BRF1: variants seen among roughly 807,000 people sequenced by gnomAD.
BRF1 encodes transcription factor IIIB 90 kDa subunit.
Under a neutral mutation model 81.7 loss-of-function variants are expected in BRF1, and 59 were observed. That is an observed-to-expected ratio of 0.72 (90% CI 0.59 to 0.90). The LOEUF (loss-of-function observed/expected upper bound fraction) is 0.90, where lower values mean the gene tolerates loss of function less well. Among genes scored for constraint, BRF1 ranks in the 40% least tolerant of loss-of-function variants. The pLI, the probability that BRF1 is intolerant of heterozygous loss-of-function variation, is 0.00. For synonymous variants in BRF1, 491 were observed against 395.6 expected (o/e 1.24, Z -2.86); for missense variants, 1,050 against 936.3 (o/e 1.12, Z -1.58).
At chr14:105,217,930 C>A (rs1049612826) in intron 14 of BRF1, 130 bp from the exon 15 acceptor site, 2 of 1,388,620 alleles carry the variant, frequency 1.4e-6, no homozygotes, top group South Asian at 1.4e-5. Context: ...GCCGCTCCTG[C>A]CTCCTCCCCC....
intron 2 of BRF1, among the ~76,000 whole-genome samples, chr14:105,285,315 C>G (rs587690659): frequency 6.6e-6 from 1 of 152,362 alleles, no homozygotes; most frequent in African/African-American, 2.4e-5. Flanking sequence ...CCAGGACTGT[C>G]ATGCAGTCAC....
At chr14:105,295,328 AT>A (rs1361943726) in intron 1 of BRF1, among the ~76,000 whole-genome samples, 17 of 150,856 alleles carry the variant, frequency 1.1e-4, no homozygotes, top group South Asian at 2.1e-4. Context: ...AAAAAAAAAA[AT>A]TGGCGTTGGC....
chr14:105,211,053 G>A, intron 17 of BRF1, 69 bp downstream of exon 17: 1 of 1,576,224 alleles, frequency 6.3e-7, no homozygotes, highest in Non-Finnish European at 8.6e-7. Context: ...CAAGTTCAGG[G>A]ATCATGAGGG....
At position 105,272,754 on chromosome 14, in the gene BRF1, G is replaced by A; in HGVS notation, c.406C>T (p.Leu136Phe). 6.2e-7 allele frequency: 1 copy of A among 1,613,868 alleles called. No individual in the cohort carries two copies. The highest frequency in any genetic ancestry group is 8.5e-7 in the Non-Finnish European group (1 of 1,179,894). ...RKMAHVIAAC[L>F]YLVCRTEGTP... ...CCCTCCGTACGGCAGACCAGGTAGA[G>A]GCAGGCAGCAATCACGTGGGCCATC... Residue 136 changes from leucine to phenylalanine, a missense_variant, in exon 3 of 18, where the codon CTC becomes TTC. Around this residue, in one of 2 missense-constraint regions of BRF1, gnomAD observed 1,043 missense variants for 915.4 expected, o/e 1.14. Transcript: ENST00000547530.
chr14:105,219,291 A>C (rs2141454750), intron 12 of BRF1, 59 bp from the exon 13 acceptor site: 1 of 1,597,852 alleles, frequency 6.3e-7, no homozygotes. Context: ...GGGCATGCTA[A>C]GGTCGCGCTG....
chr14:105,286,767 G>A (rs587635018), intron 1 of BRF1, among the ~76,000 whole-genome samples: 127 of 152,280 alleles, frequency 8.3e-4, no homozygotes, highest in African/African-American at 2.7e-3. Context: ...CACCACGCCC[G>A]GCTGGGATTA....
chr14:105,241,154 G>C, intron 6 of BRF1, 111 bp downstream of exon 6: 1 of 1,501,140 alleles, frequency 6.7e-7, no homozygotes, highest in Non-Finnish European at 8.9e-7. Flanking sequence ...GCTGGAGGCA[G>C]CTCTCAGTGC....
At chr14:105,251,170 C>T (rs1045076901) in intron 5 of BRF1, 4 of 160,186 alleles carry the variant, frequency 2.5e-5, no homozygotes, top group African/African-American at 9.6e-5. Context: ...AGCTCCCTCC[C>T]ATCCCGAGGA....
intron 5 of BRF1, chr14:105,250,285 C>G (rs761806778): frequency 1.2e-6 from 2 of 1,613,094 alleles, no homozygotes; most frequent in South Asian, 1.1e-5. Flanking sequence ...GCGGGCGCTG[C>G]GACAGCATCC....
Position 105,248,576 on chromosome 14 carries a change from G to GGC in BRF1, c.544+3929_544+3930dup, listed in dbSNP as rs1386738404. ...GCCGCGGCGGGTACGGGCTCGGGCG[G>GGC]GCGGGCGGGCGGGACGGCGCCCCCC... On this transcript the variant is annotated intron_variant, in intron 5 of 17. Coordinates refer to ENST00000547530, the MANE Select transcript of BRF1 (RefSeq NM_001519.4). 3.3e-6 allele frequency: 3 copies of GGC among 913,598 alleles called. No individual in the cohort carries two copies. The East Asian group carries it at 3.7e-4, about 112-fold the overall frequency. 56.6% of individuals were successfully genotyped at this position (913,598 alleles called of 1,614,324 possible). A position where few individuals can be genotyped will look rare whatever the true frequency, so the allele number is the denominator to read the frequency against.
chr14:105,315,136 C>A lies in BRF1; in HGVS notation c.-162+186G>T. On this transcript the variant is annotated intron_variant, in intron 1 of 17. Coordinates refer to the BRF1 transcript ENST00000327359. The surrounding 1 kb of genome is among the most constrained non-coding windows in gnomAD (Gnocchi z 4.4). ...CCCATCCCCGGCCCGGGTCCCCCAG[C>A]GGAGCCCAGGTCGCCCCCCGCGCCC... 1 of 747,624 alleles carries A rather than the reference C, an allele frequency of 1.3e-6. No homozygotes were observed. The highest frequency in any genetic ancestry group is 1.7e-6 in the Non-Finnish European group (1 of 604,182). The allele number at this position is 747,624 out of a possible 1,614,324, so 46.3% of individuals were successfully genotyped here. A position where few individuals can be genotyped will look rare whatever the true frequency, so the allele number is the denominator to read the frequency against.
At chr14:105,255,528 C>T (rs1365437129) in intron 4 of BRF1, among the ~76,000 whole-genome samples, 1 of 152,198 alleles carries the variant, frequency 6.6e-6, no homozygotes, top group African/African-American at 2.4e-5. Flanking sequence ...CTGGACAGAG[C>T]TCCCTTTGAG....
chr14:105,229,732 G>A (rs1256721905), intron 6 of BRF1, among the ~76,000 whole-genome samples: 23 of 43,792 alleles, frequency 5.3e-4, no homozygotes, highest in East Asian at 6.9e-4. Flanking sequence ...CCGCGTAGTC[G>A]CCCAGCTGGG....
intron 1 of BRF1, among the ~76,000 whole-genome samples, chr14:105,312,556 G>A (rs771563499): frequency 2.0e-5 from 3 of 152,226 alleles, no homozygotes; most frequent in Non-Finnish European, 4.4e-5. Context: ...CAAACACGGG[G>A]GTGAGGGCTC....
Position 105,309,270 on chromosome 14 carries a change from A to G in BRF1, c.-162+6052T>C. On this transcript the variant is annotated intron_variant, in intron 1 of 17. Transcript: ENST00000327359. The surrounding 1 kb of genome is among the most constrained non-coding windows in gnomAD (Gnocchi z 4.0). ...TAATCTTGGGGCTCAGGATAACCAC[A>G]GTCAAGAGGGGAGAGTTTTATTCCT... is the stretch of plus-strand genomic sequence containing the variant. Among the ~76,000 whole-genome samples, 1 of 152,250 alleles carries G rather than the reference A, an allele frequency of 6.6e-6. No individual in the cohort carries two copies.
chr14:105,226,096 C>CG lies in BRF1; in HGVS notation c.1020_1021insC (p.Gly341ArgfsTer106). On this transcript the variant is annotated frameshift_variant, in exon 10 of 18. Transcript: ENST00000547530. LOFTEE classifies it high-confidence loss of function. ...TCTTTTGCCAGGCTGGCCAGGCCCCCCTTGGCCTTTGGCCGGCTGTTTTCT... is the reference window on the plus strand; with the variant it reads ...TCTTTTGCCAGGCTGGCCAGGCCCCCGCTTGGCCTTTGGCCGGCTGTTTTCT... 6.2e-7 allele frequency: 1 copy of CG among 1,613,938 alleles called. No homozygotes were observed. Among genetic ancestry groups the CG allele is most frequent in the Non-Finnish European group, 8.5e-7 (1 of 1,180,032 alleles).
At chr14:105,213,820 A>G (rs1890566785) in intron 15 of BRF1, among the ~76,000 whole-genome samples, 1 of 152,138 alleles carries the variant, frequency 6.6e-6, no homozygotes, top group Admixed American at 6.5e-5. Flanking sequence ...CGTAGTGTTC[A>G]TGAGTGCAGA....
At chr14:105,273,385 T>G (rs587628487) in intron 2 of BRF1, among the ~76,000 whole-genome samples, 233 of 152,180 alleles carry the variant, frequency 1.5e-3, no homozygotes, top group African/African-American at 5.2e-3. Flanking sequence ...CCCGCCAGCC[T>G]CTCCTCTAAG....
intron 2 of BRF1, among the ~76,000 whole-genome samples, chr14:105,279,302 T>C (rs957772120): frequency 3.3e-5 from 5 of 152,086 alleles, no homozygotes; most frequent in East Asian, 1.9e-4. Flanking sequence ...ATTCGAAACA[T>C]GTATATCCAA....
Sources: gnomAD v4.1 joint callset for allele counts (sites outside exome capture counted in the v4.1 genomes callset) on GRCh38, gnomAD v4.1.1 for gene constraint, gnomAD v4.1.1 regional missense constraint, Gnocchi (gnomAD v3.1) non-coding constraint, MANE v1.5 for transcripts, NCBI Gene and HGNC (gene_info 2026-07-23, HGNC 2026-07-21) for gene names.